Variants in NR6A1 observed in about 807,000 individuals in gnomAD.
NR6A1 encodes the protein nuclear receptor subfamily 6 group A member 1.
A neutral mutation model predicts 59.1 loss-of-function variants in NR6A1; 7 were observed. The observed-to-expected ratio is 0.12, with a 90% CI of 0.07 to 0.22. The LOEUF is 0.22. Among genes scored for constraint, NR6A1 ranks in the 10% least tolerant of loss-of-function variants. The probability of loss-of-function intolerance (pLI) is 1.00; values close to 1 mark genes in which losing one functional copy is unlikely to be tolerated. For synonymous variants in NR6A1, 243 were observed against 236.1 expected (o/e 1.03, Z -0.27); for missense variants, 468 against 611.6 (o/e 0.77, Z 2.48).
At chr9:124,740,097 A>G (rs1171402409) in intron 1 of NR6A1, among the ~76,000 whole-genome samples, 1 of 152,208 alleles carries the variant, frequency 6.6e-6, no homozygotes, top group Admixed American at 6.5e-5. Context: ...CCAACAGTGT[A>G]TACTCCATCC....
intron 5 of NR6A1, among the ~76,000 whole-genome samples, chr9:124,538,905 TAAA>T (rs11346135): frequency 7.1e-6 from 1 of 141,790 alleles, no homozygotes. Flanking sequence ...GTCAACTAAT[TAAA>T]AAAAAAAAAA....
intron 1 of NR6A1, 98 bp downstream of exon 1, chr9:124,770,922 T>G: frequency 1.4e-6 from 1 of 696,746 alleles, no homozygotes; most frequent in Non-Finnish European, 2.0e-6. Context: ...CCGCTGCGGC[T>G]TCCCAGGGCG....
intron 2 of NR6A1, among the ~76,000 whole-genome samples, chr9:124,576,605 ATC>A (rs1834604069): frequency 1.3e-5 from 2 of 152,154 alleles, no homozygotes; most frequent in African/African-American, 4.8e-5. Flanking sequence ...CAAGCTTTGT[ATC>A]CCAGTTAGTC....
intron 2 of NR6A1, among the ~76,000 whole-genome samples, chr9:124,568,431 C>T (rs1834339032): frequency 6.7e-6 from 1 of 150,310 alleles, no homozygotes; most frequent in Admixed American, 6.6e-5. Flanking sequence ...TGCAGTGAAC[C>T]GAGATTGTGC....
intron 2 of NR6A1, among the ~76,000 whole-genome samples, chr9:124,568,479 T>A: frequency 6.8e-6 from 1 of 148,040 alleles, no homozygotes; most frequent in Admixed American, 6.7e-5. Flanking sequence ...CAAGACTCTG[T>A]CTCAAAAAAA....
intron 2 of NR6A1, among the ~76,000 whole-genome samples, chr9:124,695,614 C>T (rs972978620): frequency 6.6e-6 from 1 of 152,122 alleles, no homozygotes; most frequent in African/African-American, 2.4e-5. Flanking sequence ...AAGTGATCCG[C>T]CCGCCTCGGC....
At chr9:124,701,378 A>G (rs1838946269) in intron 2 of NR6A1, among the ~76,000 whole-genome samples, 1 of 152,190 alleles carries the variant, frequency 6.6e-6, no homozygotes, top group Non-Finnish European at 1.5e-5. Flanking sequence ...ATGTTTTCAT[A>G]TTTTTAATTT....
chr9:124,763,300 A>C (rs1217848886), intron 1 of NR6A1, among the ~76,000 whole-genome samples: 2 of 152,256 alleles, frequency 1.3e-5, no homozygotes, highest in African/African-American at 2.4e-5. Context: ...TATAATGACT[A>C]CTAATACAGT....
chr9:124,697,454 A>T (rs1422602491), intron 2 of NR6A1, among the ~76,000 whole-genome samples: 1 of 152,192 alleles, frequency 6.6e-6, no homozygotes, highest in Non-Finnish European at 1.5e-5. Flanking sequence ...TGGTGGTAAG[A>T]AGGGTCAGGG....
chr9:124,666,082 T>C (rs1001578807), intron 2 of NR6A1, among the ~76,000 whole-genome samples: 3 of 152,190 alleles, frequency 2.0e-5, no homozygotes, highest in Non-Finnish European at 4.4e-5. Context: ...CACCTAGATT[T>C]TTCTCACTAG....
intron 2 of NR6A1, among the ~76,000 whole-genome samples, chr9:124,731,187 T>C (rs1839874218): frequency 6.6e-6 from 1 of 152,040 alleles, no homozygotes; most frequent in Non-Finnish European, 1.5e-5. Flanking sequence ...CTGACCAATA[T>C]GGTGAAACCC....
chr9:124,609,941 A>C (rs1411431093), intron 2 of NR6A1, among the ~76,000 whole-genome samples: 1 of 152,122 alleles, frequency 6.6e-6, no homozygotes, highest in African/African-American at 2.4e-5. Flanking sequence ...AATGCTTGTG[A>C]TTTTTGCACA....
intron 2 of NR6A1, among the ~76,000 whole-genome samples, chr9:124,598,362 AAAAG>A (rs969330065): frequency 6.6e-6 from 1 of 151,938 alleles, no homozygotes; most frequent in African/African-American, 2.4e-5. Context: ...AAAAAAAAAA[AAAAG>A]AAGAAGAAGA....
intron 5 of NR6A1, among the ~76,000 whole-genome samples, chr9:124,538,926 A>G (rs1054412263): frequency 1.3e-5 from 2 of 150,628 alleles, no homozygotes; most frequent in Admixed American, 6.6e-5. Flanking sequence ...AAAAAACCTA[A>G]GCCAGCCACA....
intron 2 of NR6A1, among the ~76,000 whole-genome samples, chr9:124,656,501 T>C (rs182914608): frequency 1.0e-3 from 156 of 152,292 alleles, no homozygotes; most frequent in Non-Finnish European, 1.6e-3. Flanking sequence ...TCTTGTATTA[T>C]TCCACTTATA....
Position 124,542,472 on chromosome 9 carries a change from G to A in NR6A1, c.441+1330C>T, listed in dbSNP as rs34182824. 8.2e-3 allele frequency among the ~76,000 whole-genome samples: 1,254 copies of A among 152,226 alleles called. 10 individuals are homozygous for A. The highest frequency in any genetic ancestry group is 0.02 in the Admixed American group (299 of 15,290). On this transcript the variant is annotated intron_variant, in intron 4 of 9. Transcript: ENST00000487099. ...AATTTACCCAGTAAATATCTCTTGAGTCTATTCTCTCCCCTCTATCTGCAC... is the reference window on the plus strand; with the variant it reads ...AATTTACCCAGTAAATATCTCTTGAATCTATTCTCTCCCCTCTATCTGCAC...
intron 2 of NR6A1, among the ~76,000 whole-genome samples, chr9:124,581,359 C>T (rs1246577017): frequency 6.6e-6 from 1 of 152,128 alleles, no homozygotes; most frequent in Non-Finnish European, 1.5e-5. Flanking sequence ...CTTTGGTAGG[C>T]CGAGGCAGGC....
chr9:124,742,290 C>CGGTG (rs1278730368), intron 1 of NR6A1, among the ~76,000 whole-genome samples: 2 of 152,296 alleles, frequency 1.3e-5, no homozygotes, highest in East Asian at 3.9e-4. Flanking sequence ...AGGCCGGGCA[C>CGGTG]GGTGGCTCAC....
chr9:124,646,187 G>A lies in NR6A1; in HGVS notation c.142+87121C>T, dbSNP rs553170460. On this transcript the variant is annotated intron_variant, in intron 2 of 9. Coordinates refer to ENST00000487099, the MANE Select transcript of NR6A1 (RefSeq NM_033334.4). ...AACCTAAAACCAAGCTTCCACCTTA[G>A]GAAGCTAGAAAAAGACAAAATTAAA... is the stretch of plus-strand genomic sequence containing the variant. Among the ~76,000 whole-genome samples, 175 of 152,120 alleles carry A rather than the reference G, an allele frequency of 1.2e-3. 1 individual carries two copies. The highest frequency in any genetic ancestry group is 3.8e-3 in the African/African-American group (159 of 41,530).
Sources: allele counts gnomAD v4.1 joint callset (sites outside exome capture counted in the v4.1 genomes callset), GRCh38; gene constraint gnomAD v4.1.1; transcripts MANE v1.5; gene names NCBI Gene and HGNC (gene_info 2026-07-23, HGNC 2026-07-21).